Variants in CCNB3 observed in about 807,000 individuals in gnomAD.
CCNB3 encodes the protein cyclin B3.
In CCNB3, 12 loss-of-function variants were observed where a neutral mutation model predicts 68.0. The observed-to-expected ratio is 0.18, with a 90% confidence interval of 0.11 to 0.29. The LOEUF (loss-of-function observed/expected upper bound fraction) is 0.29. CCNB3 is among the 10% of genes least tolerant of loss of function. CCNB3 has a pLI of 1.00. For missense variants in CCNB3, 904 were observed against 993.1 expected, an observed-to-expected ratio of 0.91 and a Z score of 1.21; for synonymous variants, 354 against 388.9, an observed-to-expected ratio of 0.91 and a Z score of 1.06.
chrX:50,338,939 C>T (rs1362943501), intron 8 of CCNB3, among the ~76,000 whole-genome samples: 4 of 112,141 alleles, frequency 3.6e-5, no homozygotes, highest in Non-Finnish European at 1.9e-5. Context: ...TGTTTCTATC[C>T]TCTGCCCATT....
chrX:50,280,908 C>T (rs1936124862), intron 1 of CCNB3, among the ~76,000 whole-genome samples: 1 of 109,831 alleles, frequency 9.1e-6, no homozygotes, highest in Non-Finnish European at 1.9e-5. Flanking sequence ...TATAGGTACG[C>T]GCCACTACGC....
chrX:50,341,084 C>T (rs1569543465), intron 8 of CCNB3, among the ~76,000 whole-genome samples: 1 of 111,171 alleles, frequency 9.0e-6, no homozygotes, highest in African/African-American at 3.3e-5. Flanking sequence ...AATCCCAGCA[C>T]TTTGGGAGGC....
intron 1 of CCNB3, among the ~76,000 whole-genome samples, chrX:50,216,937 C>T (rs1935581931): frequency 9.0e-6 from 1 of 110,656 alleles, no homozygotes; most frequent in Admixed American, 9.7e-5. Context: ...ACGTTTCCTT[C>T]CTTTACATCT....
intron 5 of CCNB3, among the ~76,000 whole-genome samples, chrX:50,301,700 A>T (rs1462312556): frequency 8.9e-6 from 1 of 112,351 alleles, no homozygotes; most frequent in Non-Finnish European, 1.9e-5. Context: ...GGTTATTGCT[A>T]TCTTTTGTTT....
At chrX:50,302,374 A>G (rs1936665863) in intron 5 of CCNB3, among the ~76,000 whole-genome samples, 1 of 112,179 alleles carries the variant, frequency 8.9e-6, no homozygotes, top group Admixed American at 9.4e-5. Flanking sequence ...TAATAGTAGG[A>G]AAACTAGTAA....
At chrX:50,300,693 T>TG (rs1408882249) in intron 5 of CCNB3, among the ~76,000 whole-genome samples, 2 of 111,894 alleles carry the variant, frequency 1.8e-5, no homozygotes, top group Non-Finnish European at 3.8e-5. Context: ...CTTGCTAGAT[T>TG]GGGGAAGTTC....
At position 50,310,505 on chromosome X, in the gene CCNB3, A is replaced by G. The variant is rs782154134; in HGVS notation, c.2336A>G (p.Asn779Ser). 2.5e-6 allele frequency: 3 copies of G among 1,210,160 alleles called. No individual in the cohort carries two copies. Among genetic ancestry groups the G allele is most frequent in the African/African-American group, 3.5e-5 (2 of 57,952 alleles). The change falls in exon 6 of 13, where the codon AAT becomes AGT. Residue 779 changes from asparagine to serine, a missense_variant. Around this residue, in one of 2 missense-constraint regions of CCNB3, gnomAD observed 619 missense variants for 609.8 expected, o/e 1.02. Coordinates refer to ENST00000376042, the MANE Select transcript of CCNB3 (RefSeq NM_033031.3). Reference protein sequence around the residue: ...NETINEEEFLNKQPLALEGYP... With the variant: ...NETINEEEFLSKQPLALEGYP... ...ACCATCAATGAAGAGGAGTTCCTTA[A>G]TAAGCAGCCACTGGCCTTGGAGGGG...
At chrX:50,217,282 T>G (rs2146982661) in intron 1 of CCNB3, among the ~76,000 whole-genome samples, 1 of 92,107 alleles carries the variant, frequency 1.1e-5, no homozygotes, top group South Asian at 5.9e-4. Flanking sequence ...TTTTTTTTTT[T>G]TTTTTTTTTG....
At chrX:50,342,594 C>T (rs1923195788) in intron 9 of CCNB3, among the ~76,000 whole-genome samples, 1 of 110,516 alleles carries the variant, frequency 9.0e-6, no homozygotes, top group Admixed American at 9.6e-5. Flanking sequence ...TGTAAACAAA[C>T]CTATTGCACT....
intron 5 of CCNB3, 97 bp from the exon 6 acceptor site, chrX:50,308,408 C>T: frequency 1.8e-6 from 1 of 570,703 alleles, no homozygotes; most frequent in Non-Finnish European, 2.8e-6. Flanking sequence ...AGCCCCTTCC[C>T]CTTTCATACC....
intron 1 of CCNB3, among the ~76,000 whole-genome samples, chrX:50,281,276 A>G (rs1185851920): frequency 9.0e-6 from 1 of 111,353 alleles, no homozygotes; most frequent in South Asian, 3.8e-4. Context: ...GCACTTCATG[A>G]CGGCTGTAGT....
intron 1 of CCNB3, among the ~76,000 whole-genome samples, chrX:50,280,092 TATAA>T: frequency 1.1e-5 from 1 of 87,803 alleles, no homozygotes; most frequent in Admixed American, 1.5e-4. Flanking sequence ...ATGGAATACA[TATAA>T]ATATATATAT....
intron 4 of CCNB3, among the ~76,000 whole-genome samples, chrX:50,289,741 A>G (rs1445650087): frequency 9.0e-6 from 1 of 111,665 alleles, no homozygotes; most frequent in African/African-American, 3.3e-5. Context: ...TATCTAGGCT[A>G]TAGATAATCC....
intron 4 of CCNB3, among the ~76,000 whole-genome samples, chrX:50,291,308 T>A (rs1223940406): frequency 9.0e-6 from 1 of 111,655 alleles, no homozygotes; most frequent in Non-Finnish European, 1.9e-5. Flanking sequence ...TATGTTATTT[T>A]ATTTATTTTT....
chrX:50,225,118 G>A (rs1935731511), intron 1 of CCNB3, among the ~76,000 whole-genome samples: 1 of 111,226 alleles, frequency 9.0e-6, no homozygotes. Flanking sequence ...AAAAAGTTAA[G>A]GGACTGAGTA....
At chrX:50,302,658 A>G (rs1191499958) in intron 5 of CCNB3, among the ~76,000 whole-genome samples, 2 of 110,996 alleles carry the variant, frequency 1.8e-5, no homozygotes, top group African/African-American at 6.6e-5. Context: ...CACTAATCTT[A>G]CTTTCTATAT....
chrX:50,296,301 C>G (rs1165378543), intron 5 of CCNB3, among the ~76,000 whole-genome samples: 8 of 80,412 alleles, frequency 9.9e-5, no homozygotes, highest in Non-Finnish European at 1.7e-4. Flanking sequence ...ACAACAGTCC[C>G]CAGTGTGTGA....
intron 8 of CCNB3, among the ~76,000 whole-genome samples, chrX:50,321,262 A>G (rs1249413175): frequency 3.6e-5 from 4 of 112,047 alleles, no homozygotes; most frequent in Admixed American, 9.5e-5. Flanking sequence ...CCATCTGATA[A>G]GTGAAAAATT....
At position 50,310,118 on chromosome X, in the gene CCNB3, A is replaced by AGGAAGT. The variant is rs782051243; in HGVS notation, c.1951_1956dup (p.Glu651_Val652dup). 5 of 1,211,632 alleles carry AGGAAGT rather than the reference A, an allele frequency of 4.1e-6. No individual in the cohort carries two copies. In the East Asian group the frequency reaches 1.5e-4, roughly 36 times the overall value. ...TTGAAAGAGAAGCATACCACCTTGC[A>AGGAAGT]GGAAGTGTCCCTCTCAAAAGAGTCA... On this transcript the variant is annotated inframe_insertion, in exon 6 of 13. Coordinates refer to ENST00000376042, the MANE Select transcript of CCNB3 (RefSeq NM_033031.3).
Sources: gnomAD v4.1 joint callset for allele counts (sites outside exome capture counted in the v4.1 genomes callset) on GRCh38, gnomAD v4.1.1 for gene constraint, gnomAD v4.1.1 regional missense constraint, MANE v1.5 for transcripts, NCBI Gene and HGNC (gene_info 2026-07-23, HGNC 2026-07-21) for gene names.